CLYBL: variants seen among roughly 807,000 people sequenced by gnomAD.
The protein encoded by CLYBL is citramalyl-CoA lyase, mitochondrial.
Under a neutral mutation model 38.9 loss-of-function variants are expected in CLYBL, and 31 were observed. The observed-to-expected ratio is 0.80, with a 90% CI of 0.60 to 1.08. The LOEUF is 1.08. CLYBL is among the 50% of genes least tolerant of loss of function. The probability of loss-of-function intolerance (pLI) is 0.00; values close to 1 mark genes in which losing one functional copy is unlikely to be tolerated. For missense variants in CLYBL, 434 were observed against 411.6 expected (o/e 1.05, Z -0.47); for synonymous variants, 171 against 158.6 (o/e 1.08, Z -0.59).
intron 2 of CLYBL, among the ~76,000 whole-genome samples, chr13:99,780,505 C>G (rs555904080): frequency 6.6e-6 from 1 of 151,942 alleles, no homozygotes; most frequent in Non-Finnish European, 1.5e-5. Flanking sequence ...CTCGGCCTCC[C>G]GAGTAGCTGA....
At chr13:99,882,987 C>CCAGCT (rs1268908264) in intron 7 of CLYBL, among the ~76,000 whole-genome samples, 152 of 152,114 alleles carry the variant, frequency 1.0e-3, no homozygotes, top group African/African-American at 3.6e-3. Context: ...CCAGCCCAGC[C>CCAGCT]CAGCTCTTAG....
At chr13:99,838,030 TG>T (rs749751107) in intron 2 of CLYBL, among the ~76,000 whole-genome samples, 1 of 152,226 alleles carries the variant, frequency 6.6e-6, no homozygotes, top group Non-Finnish European at 1.5e-5. Flanking sequence ...CTTTTATATC[TG>T]TGAATGCTTC....
At chr13:99,720,137 A>G in intron 1 of CLYBL, among the ~76,000 whole-genome samples, 1 of 150,984 alleles carries the variant, frequency 6.6e-6, no homozygotes, top group East Asian at 1.9e-4. Flanking sequence ...TTTCTTATTT[A>G]TTCTACTTTG....
intron 1 of CLYBL, among the ~76,000 whole-genome samples, chr13:99,656,257 G>GTT (rs2047329218): frequency 1.3e-5 from 2 of 152,178 alleles, no homozygotes; most frequent in Non-Finnish European, 2.9e-5. Flanking sequence ...AGGGTGGCGT[G>GTT]TTTGTCAGGG....
intron 2 of CLYBL, among the ~76,000 whole-genome samples, chr13:99,781,725 G>T (rs762763719): frequency 6.6e-6 from 1 of 152,104 alleles, no homozygotes; most frequent in Non-Finnish European, 1.5e-5. Context: ...TGATCCACCC[G>T]CCTCGGCCTC....
In CLYBL at chr13:99,738,775, T is replaced by A. The variant is rs191966095; in HGVS notation, c.63-34049T>A. 2.6e-5 allele frequency among the ~76,000 whole-genome samples: 4 copies of A among 151,106 alleles called. No homozygotes were observed. The East Asian group carries it at 7.9e-4, about 30-fold the overall frequency. ...GATGCCTGGTGTGGAGCTCGATAAATTCTTGTGAAAAGAAGGAAGGAAATG... is the reference window on the plus strand; with the variant it reads ...GATGCCTGGTGTGGAGCTCGATAAAATCTTGTGAAAAGAAGGAAGGAAATG... On this transcript the variant is annotated intron_variant, in intron 1 of 8. Transcript: ENST00000339105.
At chr13:99,626,781 A>G (rs922286575) in intron 1 of CLYBL, among the ~76,000 whole-genome samples, 1 of 152,150 alleles carries the variant, frequency 6.6e-6, no homozygotes, top group Non-Finnish European at 1.5e-5. Context: ...GTCAATTACC[A>G]AAAAAGTAAG....
chr13:99,770,381 A>C (rs1035194047), intron 1 of CLYBL, among the ~76,000 whole-genome samples: 1 of 151,592 alleles, frequency 6.6e-6, no homozygotes, highest in Non-Finnish European at 1.5e-5. Context: ...ACAGTGGCGC[A>C]ATCTTGGCTC....
intron 8 of CLYBL, among the ~76,000 whole-genome samples, chr13:99,904,658 A>AT (rs112508365): frequency 0.17 from 26,378 of 152,168 alleles, 2,859 homozygotes; most frequent in African/African-American, 0.3. Flanking sequence ...GTCGTGCTTC[A>AT]AACTAATATT....
chr13:99,678,382 G>A (rs138770341), intron 1 of CLYBL, among the ~76,000 whole-genome samples: 2 of 152,274 alleles, frequency 1.3e-5, no homozygotes, highest in East Asian at 1.9e-4. Flanking sequence ...TCTCCTAAGT[G>A]TCACTTCTCA....
intron 7 of CLYBL, among the ~76,000 whole-genome samples, chr13:99,889,998 G>A (rs16957038): frequency 0.027 from 4,108 of 152,288 alleles, 78 homozygotes; most frequent in African/African-American, 0.054. Flanking sequence ...CCAACAGGTC[G>A]AAGCAGGGTG....
intron 1 of CLYBL, among the ~76,000 whole-genome samples, chr13:99,752,237 C>T (rs9517873): frequency 0.19 from 28,559 of 152,118 alleles, 2,900 homozygotes; most frequent in East Asian, 0.25. Context: ...CCTCTGAGGA[C>T]AGAGGCTAAT....
At chr13:99,692,079 C>T (rs554906837) in intron 1 of CLYBL, among the ~76,000 whole-genome samples, 1 of 152,076 alleles carries the variant, frequency 6.6e-6, no homozygotes, top group Non-Finnish European at 1.5e-5. Context: ...ACAGTAAATC[C>T]AGTGATTTGT....
At chr13:99,650,489 TTCCTC>T (rs2047238218) in intron 1 of CLYBL, among the ~76,000 whole-genome samples, 2 of 152,194 alleles carry the variant, frequency 1.3e-5, no homozygotes, top group African/African-American at 4.8e-5. Context: ...CCCATCTACT[TTCCTC>T]TCCTTGCCCA....
intron 1 of CLYBL, among the ~76,000 whole-genome samples, chr13:99,711,964 C>T (rs1384223038): frequency 6.6e-6 from 1 of 152,128 alleles, no homozygotes; most frequent in African/African-American, 2.4e-5. Context: ...ATCCACCCGC[C>T]TTGGCCTCCC....
In CLYBL at chr13:99,794,581, T is replaced by TTTATTATTATTATTATGATTA; in HGVS notation, c.249+21587_249+21588insGATTATTATTATTATTATTAT. ...AACAGTATTAAATACTATATTTTCA[T>TTTATTATTATTATTATGATTA]TTATTATTATTATTATTATTATTAT... is the stretch of plus-strand genomic sequence containing the variant. On this transcript the variant is annotated intron_variant, in intron 2 of 8. Coordinates refer to ENST00000339105, the MANE Select transcript of CLYBL (RefSeq NM_206808.5). 2.1e-5 allele frequency among the ~76,000 whole-genome samples: 3 copies of TTTATTATTATTATTATGATTA among 143,850 alleles called. No homozygotes were observed. The East Asian group carries it at 6.0e-4, about 29-fold the overall frequency. The allele number at this position is 143,850 out of a possible 152,430, so 94.4% of individuals were successfully genotyped here.
At chr13:99,728,406 G>A (rs1045241964) in intron 1 of CLYBL, among the ~76,000 whole-genome samples, 3 of 151,340 alleles carry the variant, frequency 2.0e-5, no homozygotes, top group African/African-American at 7.3e-5. Flanking sequence ...AGCCTCCCGA[G>A]TAGCAGAGAC....
chr13:99,693,171 C>T (rs1004292750), intron 1 of CLYBL, among the ~76,000 whole-genome samples: 1 of 152,150 alleles, frequency 6.6e-6, no homozygotes, highest in Admixed American at 6.6e-5. Flanking sequence ...TGTTATGAAA[C>T]TAATTATGAA....
chr13:99,716,787 C>CCTTT (rs1555293296), intron 1 of CLYBL, among the ~76,000 whole-genome samples: 18 of 100,902 alleles, frequency 1.8e-4, no homozygotes, highest in African/African-American at 6.9e-4. Flanking sequence ...CTTTTCTTTT[C>CCTTT]TTTTTTTTTT....
Sources: allele counts gnomAD v4.1 joint callset (sites outside exome capture counted in the v4.1 genomes callset), GRCh38; gene constraint gnomAD v4.1.1; transcripts MANE v1.5; gene names NCBI Gene and HGNC (gene_info 2026-07-23, HGNC 2026-07-21).